The following KCTD20 variants were observed in gnomAD, a reference collection of about 807,000 sequenced individuals.
KCTD20 encodes potassium channel tetramerization domain containing 20.
In KCTD20, 30 loss-of-function variants were observed where a neutral mutation model predicts 39.6. The ratio of observed to expected loss-of-function variants is 0.76; its 90% confidence interval spans 0.57 to 1.03. The LOEUF (loss-of-function observed/expected upper bound fraction) is 1.03, where lower values mean the gene tolerates loss of function less well. Among genes scored for constraint, KCTD20 ranks in the 50% least tolerant of loss-of-function variants. The probability of loss-of-function intolerance (pLI) is 0.00; values close to 1 mark genes in which losing one functional copy is unlikely to be tolerated. For synonymous variants in KCTD20, 162 were observed against 180.6 expected, an observed-to-expected ratio of 0.90 and a Z score of 0.83; for missense variants, 422 against 522.0, an observed-to-expected ratio of 0.81 and a Z score of 1.87.
At chr6:36,474,753 C>G in intron 2 of KCTD20, 36 bp from the exon 3 acceptor site, 1 of 1,506,330 alleles carries the variant, frequency 6.6e-7, no homozygotes, top group Non-Finnish European at 8.9e-7. Context: ...GGCTTTTGCT[C>G]TCAAGTTGTT....
At chr6:36,482,164 A>T (rs2127454950) in intron 6 of KCTD20, among the ~76,000 whole-genome samples, 1 of 152,320 alleles carries the variant, frequency 6.6e-6, no homozygotes, top group East Asian at 1.9e-4. Context: ...TTCCAGGTAT[A>T]TTCAGTGTAC....
At chr6:36,471,802 G>C (rs910732450) in intron 2 of KCTD20, among the ~76,000 whole-genome samples, 2 of 151,560 alleles carry the variant, frequency 1.3e-5, no homozygotes, top group African/African-American at 4.8e-5. Context: ...TTATTGGGGA[G>C]AAATCAAGCA....
At chr6:36,478,967 G>A (rs938344631) in intron 3 of KCTD20, among the ~76,000 whole-genome samples, 154 bp from the exon 4 acceptor site, 3 of 152,180 alleles carry the variant, frequency 2.0e-5, no homozygotes, top group African/African-American at 7.2e-5. Flanking sequence ...AAGACTTGAG[G>A]TGTCTTGTAG....
rs187436227 is a variant in KCTD20 at position 36,443,259 on chromosome 6, G to A, written c.-47+148G>A. The A allele has an allele frequency of 4.3e-4, 65 of 152,456 alleles. No individual in the cohort carries two copies. The East Asian group carries it at 0.013, about 30-fold the overall frequency. 9.4% of individuals were successfully genotyped at this position (152,456 alleles called of 1,614,324 possible). A position where few individuals can be genotyped will look rare whatever the true frequency, so the allele number is the denominator to read the frequency against. On this transcript the variant is annotated intron_variant, in intron 1 of 7. Transcript: ENST00000373731. ...CGGACCCCCGAGTCGAAAGGCCGCG[G>A]GGCTGAGCTGGGCGCGAGGAACCTG...
At chr6:36,466,717 T>C (rs2127441904) in intron 1 of KCTD20, among the ~76,000 whole-genome samples, 1 of 151,940 alleles carries the variant, frequency 6.6e-6, no homozygotes, top group Non-Finnish European at 1.5e-5. Context: ...CCGCCTTCAA[T>C]CTGTTCTGAG....
Position 36,479,690 on chromosome 6 carries a change from A to G in KCTD20, c.637A>G (p.Thr213Ala). 1.2e-6 allele frequency: 2 copies of G among 1,609,278 alleles called. No homozygotes were observed. The highest frequency in any genetic ancestry group is 1.7e-6 in the Non-Finnish European group (2 of 1,178,828). Reference protein sequence around the residue: ...DYLCINFDFNTIRCQDLSALL... With the variant: ...DYLCINFDFNAIRCQDLSALL... ...TCTCTGCATTAATTTTGACTTCAAC[A>G]CTATCCGATGTCAAGATCTGAGTAA... is the stretch of plus-strand genomic sequence containing the variant. Residue 213 changes from threonine to alanine, a missense_variant, in exon 5 of 8, where the codon ACT becomes GCT. Transcript: ENST00000373731.
chr6:36,445,639 C>T (rs1775018415), intron 1 of KCTD20, among the ~76,000 whole-genome samples: 4 of 152,050 alleles, frequency 2.6e-5, no homozygotes, highest in Admixed American at 2.6e-4. Context: ...ATATATGAGG[C>T]TTAGAGATAT....
intron 1 of KCTD20, among the ~76,000 whole-genome samples, chr6:36,450,163 TAA>T (rs576681021): frequency 0.12 from 12,203 of 102,706 alleles, 678 homozygotes; most frequent in East Asian, 0.2. Flanking sequence ...GACTCCGTCC[TAA>T]AAAAAAAAAA....
At chr6:36,475,166 T>G (rs560822408) in intron 3 of KCTD20, 104 bp downstream of exon 3, 15 of 1,250,304 alleles carry the variant, frequency 1.2e-5, no homozygotes, top group African/African-American at 4.5e-5. Flanking sequence ...ATTGTATAGG[T>G]TGGGCGCGGT....
chr6:36,474,685 T>A (rs1169810010), intron 2 of KCTD20, 104 bp from the exon 3 acceptor site: 1 of 1,085,666 alleles, frequency 9.2e-7, no homozygotes. Context: ...ATCTAAAATT[T>A]GGGGGTTTTT....
intron 7 of KCTD20, among the ~76,000 whole-genome samples, chr6:36,486,656 T>G: frequency 6.6e-6 from 1 of 152,234 alleles, no homozygotes. Flanking sequence ...TTCTTGTTAC[T>G]TCTCAGATTA....
intron 1 of KCTD20, among the ~76,000 whole-genome samples, chr6:36,455,778 TTTC>T (rs1775416216): frequency 6.6e-6 from 1 of 152,198 alleles, no homozygotes; most frequent in African/African-American, 2.4e-5. Flanking sequence ...GCAGGCAGAA[TTTC>T]TTCTTCCTCA....
At chr6:36,479,526 G>T in intron 4 of KCTD20, 65 bp from the exon 5 acceptor site, 1 of 1,425,910 alleles carries the variant, frequency 7.0e-7, no homozygotes, top group Non-Finnish European at 9.7e-7. Context: ...GGAATGCACA[G>T]GGATGAAGAA....
intron 2 of KCTD20, among the ~76,000 whole-genome samples, chr6:36,470,591 C>T (rs1009879543): frequency 6.6e-6 from 1 of 152,020 alleles, no homozygotes; most frequent in Non-Finnish European, 1.5e-5. Context: ...TTTTTCTTTA[C>T]TTTATTTTTT....
rs1345644890 is a variant in KCTD20, at chr6:36,488,061, CAGA to C, written c.*888_*890del. 2.6e-5 allele frequency: 4 copies of C among 152,088 alleles called. No homozygotes were observed. The East Asian group carries it at 7.7e-4, about 29-fold the overall frequency. 9.4% of individuals were successfully genotyped at this position (152,088 alleles called of 1,614,324 possible). On this transcript the variant is annotated 3_prime_UTR_variant, in exon 8 of 8. Transcript: ENST00000373731. ...GGCTTAAAGGCTTTCAAGATGAGGACAGAAATTGCTTACAATTGCTCAGTTTCT... is the reference window on the plus strand; with the variant it reads ...GGCTTAAAGGCTTTCAAGATGAGGACAATTGCTTACAATTGCTCAGTTTCT...
At chr6:36,445,290 C>T (rs1211712375) in intron 1 of KCTD20, among the ~76,000 whole-genome samples, 2 of 145,702 alleles carry the variant, frequency 1.4e-5, no homozygotes, top group Non-Finnish European at 3.0e-5. Flanking sequence ...AAATCTGTAA[C>T]AGAGACATCT....
chr6:36,455,868 T>G (rs983399648), intron 1 of KCTD20, among the ~76,000 whole-genome samples: 5 of 152,188 alleles, frequency 3.3e-5, no homozygotes, highest in Non-Finnish European at 7.3e-5. Context: ...TCTTCCTTAC[T>G]TAAAGTAAGT....
chr6:36,475,081 CT>C lies in KCTD20; in HGVS notation c.434+21del. On this transcript the variant is annotated intron_variant, in intron 3 of 7. Transcript: ENST00000373731. ...TGGGAAGGTAACTGATGATAATTTTCTTCCAAATTCATTCTGTTCTCTATAA... is the reference window on the plus strand; with the variant it reads ...TGGGAAGGTAACTGATGATAATTTTCTCCAAATTCATTCTGTTCTCTATAA... 1 of 1,604,110 alleles carries C rather than the reference CT, an allele frequency of 6.2e-7. No individual in the cohort carries two copies. Among genetic ancestry groups the C allele is most frequent in the African/African-American group, 1.3e-5 (1 of 74,494 alleles).
chr6:36,486,727 T>G (rs541609758), intron 7 of KCTD20, among the ~76,000 whole-genome samples, 156 bp from the exon 8 acceptor site: 3 of 152,320 alleles, frequency 2.0e-5, no homozygotes, highest in African/African-American at 7.2e-5. Context: ...TGTAGGTGAC[T>G]GGGGCTGGGA....
Sources: gnomAD v4.1 joint callset for allele counts (sites outside exome capture counted in the v4.1 genomes callset) on GRCh38, gnomAD v4.1.1 for gene constraint, MANE v1.5 for transcripts, NCBI Gene and HGNC (gene_info 2026-07-23, HGNC 2026-07-21) for gene names.